Variants in ADGRB3 observed in about 807,000 individuals in gnomAD.
ADGRB3 encodes the protein brain-specific angiogenesis inhibitor 3.
ADGRB3 carries 37 observed loss-of-function variants against 193.4 expected under a neutral mutation model. That is an observed-to-expected ratio of 0.19 (90% CI 0.15 to 0.25). The LOEUF (loss-of-function observed/expected upper bound fraction) is 0.25. ADGRB3 is among the 10% of genes least tolerant of loss of function. The pLI, the probability that ADGRB3 is intolerant of heterozygous loss-of-function variation, is 1.00. For missense variants in ADGRB3, 1,637 were observed against 1,852.9 expected (o/e 0.88, Z 2.14); for synonymous variants, 690 against 644.2 (o/e 1.07, Z -1.08).
At chr6:68,715,804 C>T (rs1458198763) in intron 3 of ADGRB3, among the ~76,000 whole-genome samples, 5 of 151,666 alleles carry the variant, frequency 3.3e-5, no homozygotes, top group Non-Finnish European at 7.4e-5. Context: ...GAATTAAACT[C>T]ACAATGGTAT....
intron 17 of ADGRB3, among the ~76,000 whole-genome samples, chr6:69,200,922 A>G (rs1311770145): frequency 6.6e-6 from 1 of 152,160 alleles, no homozygotes; most frequent in Non-Finnish European, 1.5e-5. Flanking sequence ...TTTAGAATCC[A>G]TCTTTCTATC....
At chr6:69,147,245 T>C (rs933136230) in intron 17 of ADGRB3, among the ~76,000 whole-genome samples, 11 of 152,206 alleles carry the variant, frequency 7.2e-5, no homozygotes, top group Non-Finnish European at 1.0e-4. Flanking sequence ...GGTTGTTCAA[T>C]TGATGTTTTT....
At chr6:68,793,355 C>T (rs1173892468) in intron 3 of ADGRB3, among the ~76,000 whole-genome samples, 2 of 152,084 alleles carry the variant, frequency 1.3e-5, no homozygotes, top group Admixed American at 1.3e-4. Context: ...TGCTATTCTA[C>T]ATCTTTTGTA....
chr6:69,352,568 C>T (rs370178847), intron 26 of ADGRB3, among the ~76,000 whole-genome samples: 60 of 152,278 alleles, frequency 3.9e-4, no homozygotes, highest in African/African-American at 1.4e-3. Flanking sequence ...ATGGCCACAT[C>T]AGTAGGATTA....
intron 3 of ADGRB3, among the ~76,000 whole-genome samples, chr6:68,640,027 G>A (rs1036431020): frequency 6.6e-6 from 1 of 152,216 alleles, no homozygotes; most frequent in Non-Finnish European, 1.5e-5. Flanking sequence ...AATTTTATTT[G>A]AGGTGCTTGC....
At chr6:68,882,004 C>G (rs1016992542) in intron 3 of ADGRB3, among the ~76,000 whole-genome samples, 20 of 152,146 alleles carry the variant, frequency 1.3e-4, no homozygotes, top group Non-Finnish European at 2.5e-4. Context: ...ATCTATGAAT[C>G]CTTCCTTGTA....
chr6:68,714,471 AAAT>A (rs1327343799), intron 3 of ADGRB3, among the ~76,000 whole-genome samples: 1 of 151,852 alleles, frequency 6.6e-6, no homozygotes, highest in East Asian at 1.9e-4. Context: ...CCGATCTGGA[AAAT>A]AATGATGAAA....
intron 13 of ADGRB3, among the ~76,000 whole-genome samples, chr6:69,024,888 C>G (rs979486943): frequency 1.3e-5 from 2 of 151,916 alleles, no homozygotes; most frequent in African/African-American, 4.8e-5. Context: ...GTCAGGAGAT[C>G]GAGACCATCC....
chr6:69,062,618 A>T (rs1407029620), intron 15 of ADGRB3, among the ~76,000 whole-genome samples: 1 of 151,882 alleles, frequency 6.6e-6, no homozygotes, highest in South Asian at 2.1e-4. Context: ...TCATTTAAAT[A>T]TTGTCTGAAG....
intron 3 of ADGRB3, among the ~76,000 whole-genome samples, chr6:68,856,245 G>C (rs1764983471): frequency 6.6e-6 from 1 of 152,142 alleles, no homozygotes; most frequent in Admixed American, 6.5e-5. Context: ...ACAGTAAATT[G>C]GTACCAGTAG....
At chr6:68,823,830 C>T (rs1315063754) in intron 3 of ADGRB3, among the ~76,000 whole-genome samples, 2 of 152,072 alleles carry the variant, frequency 1.3e-5, no homozygotes, top group Admixed American at 6.6e-5. Context: ...AAAGTGTCAT[C>T]GGTGAATATC....
chr6:69,345,584 A>C (rs1810640), intron 26 of ADGRB3, among the ~76,000 whole-genome samples: 5,655 of 152,264 alleles, frequency 0.037, 177 homozygotes, highest in Admixed American at 0.095. Context: ...TCAATAAACT[A>C]GGTACTGATG....
At chr6:69,085,087 C>T (rs1361671861) in intron 17 of ADGRB3, among the ~76,000 whole-genome samples, 1 of 152,086 alleles carries the variant, frequency 6.6e-6, no homozygotes, top group Non-Finnish European at 1.5e-5. Flanking sequence ...AAAATACCCT[C>T]GGTGAAAATA....
intron 17 of ADGRB3, among the ~76,000 whole-genome samples, chr6:69,182,279 G>A (rs996666900): frequency 2.0e-5 from 3 of 151,874 alleles, no homozygotes; most frequent in Non-Finnish European, 4.4e-5. Flanking sequence ...AAAGATAATC[G>A]TAGAGTTACA....
chr6:69,318,407 C>T (rs780130220), intron 20 of ADGRB3, among the ~76,000 whole-genome samples: 25 of 151,248 alleles, frequency 1.7e-4, no homozygotes, highest in Non-Finnish European at 3.3e-4. Flanking sequence ...TGTTGAGTCA[C>T]CCTGCATTAC....
At chr6:69,300,121 ACAAT>A (rs1432404997) in intron 20 of ADGRB3, among the ~76,000 whole-genome samples, 1 of 151,910 alleles carries the variant, frequency 6.6e-6, no homozygotes, top group Non-Finnish European at 1.5e-5. Context: ...ATGATTCATC[ACAAT>A]CAAGTGAGAT....
chr6:69,043,332 G>GAAAGAAAGAAAGAAAGAAAGAA (rs376899800), intron 13 of ADGRB3, among the ~76,000 whole-genome samples: 7 of 133,750 alleles, frequency 5.2e-5, no homozygotes, highest in Non-Finnish European at 9.8e-5. Context: ...AAGAAAGAAA[G>GAAAGAAAGAAAGAAAGAAAGAA]AGAAAGAAAA....
intron 6 of ADGRB3, among the ~76,000 whole-genome samples, chr6:68,954,218 C>CATTT (rs980253271): frequency 6.6e-6 from 1 of 152,072 alleles, no homozygotes; most frequent in Non-Finnish European, 1.5e-5. Flanking sequence ...TGTCTTTAAA[C>CATTT]ATTTATTTAT....
chr6:69,044,702 T>G (rs903603545), intron 13 of ADGRB3, among the ~76,000 whole-genome samples: 4 of 152,224 alleles, frequency 2.6e-5, no homozygotes, highest in African/African-American at 9.7e-5. Flanking sequence ...TCTCTAAGGT[T>G]TATCAGTGAT....
Sources: allele counts gnomAD v4.1 joint callset (sites outside exome capture counted in the v4.1 genomes callset), GRCh38; gene constraint gnomAD v4.1.1; transcripts MANE v1.5; gene names NCBI Gene and HGNC (gene_info 2026-07-23, HGNC 2026-07-21).